Variants in TRAPPC9 observed in about 807,000 individuals in gnomAD.
TRAPPC9 encodes trafficking protein particle complex subunit 9, also known as IKK2 binding protein.
Under a neutral mutation model 124.0 loss-of-function variants are expected in TRAPPC9, and 83 were observed. That is an observed-to-expected ratio of 0.67 (90% CI 0.56 to 0.80). The LOEUF is 0.80. Ranked by LOEUF, TRAPPC9 falls within the 30% of genes least tolerant of loss-of-function variation. The probability of loss-of-function intolerance (pLI) is 0.00; values close to 1 mark genes in which losing one functional copy is unlikely to be tolerated. For missense variants in TRAPPC9, 1,302 were observed against 1,508.3 expected, an observed-to-expected ratio of 0.86 and a Z score of 2.27; for synonymous variants, 638 against 617.5, an observed-to-expected ratio of 1.03 and a Z score of -0.49.
chr8:140,446,304 A>AAAAC (rs1321014293), intron 2 of TRAPPC9, among the ~76,000 whole-genome samples: 1 of 151,734 alleles, frequency 6.6e-6, no homozygotes, highest in Non-Finnish European at 1.5e-5. Flanking sequence ...AAAAAAAAAA[A>AAAAC]AAAAAAAAGC....
intron 3 of TRAPPC9, among the ~76,000 whole-genome samples, chr8:140,436,231 A>C (rs1359890745): frequency 6.6e-6 from 1 of 152,192 alleles, no homozygotes; most frequent in African/African-American, 2.4e-5. Context: ...CTGTAGCCCC[A>C]GCTACTCGGG....
chr8:140,005,938 G>A (rs915160123), intron 18 of TRAPPC9, among the ~76,000 whole-genome samples: 1 of 151,552 alleles, frequency 6.6e-6, no homozygotes, highest in South Asian at 2.1e-4. Context: ...GGAGGAGGAG[G>A]AGGAGGAAGG....
intron 17 of TRAPPC9, among the ~76,000 whole-genome samples, chr8:140,180,897 G>C (rs1440587320): frequency 1.3e-5 from 2 of 152,096 alleles, no homozygotes; most frequent in African/African-American, 4.8e-5. Context: ...GGTTTGTTCA[G>C]CTTCTTGGAT....
At chr8:140,173,601 C>T (rs11166960) in intron 17 of TRAPPC9, among the ~76,000 whole-genome samples, 125,714 of 150,850 alleles carry the variant, frequency 0.83, 52,566 homozygotes, top group East Asian at 1. Flanking sequence ...CTCAGTGTCA[C>T]ATGAAACTTG....
chr8:140,269,766 G>C (rs1215721541), intron 15 of TRAPPC9, among the ~76,000 whole-genome samples: 1 of 152,070 alleles, frequency 6.6e-6, no homozygotes, highest in East Asian at 1.9e-4. Flanking sequence ...AATGATGGTT[G>C]ATACAGAACA....
intron 17 of TRAPPC9, among the ~76,000 whole-genome samples, chr8:140,132,792 C>CGGAGGAGGAGGAGGA (rs56024663): frequency 6.0e-5 from 9 of 150,334 alleles, no homozygotes; most frequent in Admixed American, 3.3e-4. Flanking sequence ...GAGGCCAAGT[C>CGGAGGAGGAGGAGGA]GGAGGAGGAG....
At chr8:140,435,295 C>A in intron 3 of TRAPPC9, 55 bp from the exon 4 acceptor site, 1 of 1,532,014 alleles carries the variant, frequency 6.5e-7, no homozygotes. Context: ...CAAAAACCAG[C>A]ATCATTAGTC....
intron 19 of TRAPPC9, among the ~76,000 whole-genome samples, chr8:139,988,513 G>A (rs1223782319): frequency 1.3e-5 from 2 of 152,034 alleles, no homozygotes; most frequent in South Asian, 2.1e-4. Context: ...TTCCTCAGAC[G>A]CCATCCGGCT....
chr8:139,764,845 A>G (rs1820484791), intron 21 of TRAPPC9, among the ~76,000 whole-genome samples: 2 of 152,174 alleles, frequency 1.3e-5, no homozygotes, highest in Non-Finnish European at 2.9e-5. Flanking sequence ...TGTTGGGGAA[A>G]GAAGCATACA....
At chr8:139,838,389 C>T (rs1423459394) in intron 21 of TRAPPC9, among the ~76,000 whole-genome samples, 1 of 152,216 alleles carries the variant, frequency 6.6e-6, no homozygotes, top group Admixed American at 6.5e-5. Flanking sequence ...GTCATGCTTA[C>T]CATCAGAACC....
chr8:139,937,585 G>A (rs1833614711), intron 19 of TRAPPC9, among the ~76,000 whole-genome samples: 2 of 152,110 alleles, frequency 1.3e-5, no homozygotes, highest in Admixed American at 1.3e-4. Flanking sequence ...AGAGAGGGAG[G>A]ATCAATGTAA....
At chr8:140,169,395 G>C (rs948280736) in intron 17 of TRAPPC9, among the ~76,000 whole-genome samples, 2 of 152,158 alleles carry the variant, frequency 1.3e-5, no homozygotes, top group African/African-American at 2.4e-5. Flanking sequence ...GTTCAACAGA[G>C]AGTCAGCCTA....
intron 17 of TRAPPC9, among the ~76,000 whole-genome samples, chr8:140,163,315 A>T (rs7388629): frequency 0.74 from 112,362 of 152,126 alleles, 42,918 homozygotes; most frequent in East Asian, 1. Flanking sequence ...GAGTGCCTTG[A>T]AGTGAGGGAC....
At chr8:140,131,795 AAC>A (rs1472686684) in intron 17 of TRAPPC9, among the ~76,000 whole-genome samples, 1 of 152,244 alleles carries the variant, frequency 6.6e-6, no homozygotes, top group Non-Finnish European at 1.5e-5. Context: ...CACATTCAGT[AAC>A]ATCTCACCGA....
At chr8:140,379,908 C>T (rs2068553271) in intron 7 of TRAPPC9, among the ~76,000 whole-genome samples, 6 of 152,112 alleles carry the variant, frequency 3.9e-5, no homozygotes, top group Admixed American at 3.9e-4. Flanking sequence ...TTTTGCCTGC[C>T]AACTAAATTT....
At chr8:140,343,654 C>A (rs991274301) in intron 9 of TRAPPC9, among the ~76,000 whole-genome samples, 2 of 152,084 alleles carry the variant, frequency 1.3e-5, no homozygotes, top group Non-Finnish European at 2.9e-5. Flanking sequence ...AAAAATACCC[C>A]ACTAGTAATT....
intron 17 of TRAPPC9, among the ~76,000 whole-genome samples, chr8:140,131,476 A>G (rs2061207634): frequency 6.6e-6 from 1 of 152,196 alleles, no homozygotes; most frequent in Admixed American, 6.5e-5. Context: ...GGAAGAAAAG[A>G]GATGAGCACG....
At chr8:140,234,392 A>G (rs1446894300) in intron 16 of TRAPPC9, among the ~76,000 whole-genome samples, 1 of 152,214 alleles carries the variant, frequency 6.6e-6, no homozygotes, top group African/African-American at 2.4e-5. Context: ...GCCATGGTGG[A>G]CAGTACTGCA....
At chr8:140,394,956 G>C (rs373296281) in intron 7 of TRAPPC9, among the ~76,000 whole-genome samples, 1 of 152,086 alleles carries the variant, frequency 6.6e-6, no homozygotes, top group Non-Finnish European at 1.5e-5. Flanking sequence ...CCCCACGTAG[G>C]TCCCCCAAAA....
Sources: allele counts gnomAD v4.1 joint callset (sites outside exome capture counted in the v4.1 genomes callset), GRCh38; gene constraint gnomAD v4.1.1; transcripts MANE v1.5; gene names NCBI Gene and HGNC (gene_info 2026-07-23, HGNC 2026-07-21).